Variants in ULK4 observed in about 807,000 individuals in gnomAD.
ULK4 encodes unc-51 like kinase 4, also known as inactive serine/threonine-protein kinase ULK4.
In ULK4, 133 loss-of-function variants were observed where a neutral mutation model predicts 160.6. That is an observed-to-expected ratio of 0.83 (90% confidence interval 0.72 to 0.96). The LOEUF is 0.96. Among genes scored for constraint, ULK4 ranks in the 40% least tolerant of loss-of-function variants. The pLI is 0.00. For missense variants in ULK4, 1,580 were observed against 1,499.5 expected, an observed-to-expected ratio of 1.05 and a Z score of -0.89; for synonymous variants, 534 against 539.8, an observed-to-expected ratio of 0.99 and a Z score of 0.15.
At chr3:41,490,317 C>G (rs1182706243) in intron 32 of ULK4, among the ~76,000 whole-genome samples, 3 of 152,196 alleles carry the variant, frequency 2.0e-5, no homozygotes, top group African/African-American at 7.2e-5. Flanking sequence ...TTCAGCCCAG[C>G]ATTCAAGTTC....
At position 41,487,058 on chromosome 3, in the gene ULK4, C is replaced by T. The variant is rs189924997; in HGVS notation, c.3227-23805G>A. On this transcript the variant is annotated intron_variant, in intron 32 of 36. Transcript: ENST00000301831. ...CTCTTACTAATCAGTACGTAGTTTC[C>T]TTTAATATCAACAATATCCAGAAAA... Among the ~76,000 whole-genome samples, 308 of 152,210 alleles carry T rather than the reference C, an allele frequency of 2.0e-3. 8 individuals carry two copies. The highest frequency in any genetic ancestry group is 3.1e-4 in the Non-Finnish European group (21 of 67,994).
chr3:41,528,534 G>A (rs2125938021), intron 32 of ULK4, among the ~76,000 whole-genome samples: 1 of 152,222 alleles, frequency 6.6e-6, no homozygotes, highest in African/African-American at 2.4e-5. Context: ...TATTATTATG[G>A]CCACTTTACA....
chr3:41,438,889 T>C (rs918355102), intron 34 of ULK4, among the ~76,000 whole-genome samples: 8 of 148,302 alleles, frequency 5.4e-5, no homozygotes, highest in African/African-American at 1.0e-4. Flanking sequence ...TTCCAGAGGA[T>C]AGAAAAGAGA....
chr3:41,860,544 C>A (rs551921919), intron 17 of ULK4, among the ~76,000 whole-genome samples: 1 of 152,068 alleles, frequency 6.6e-6, no homozygotes, highest in Admixed American at 6.6e-5. Context: ...TAACTACTCC[C>A]GCTCTTTTTT....
At chr3:41,263,373 A>G (rs917083259) in intron 35 of ULK4, among the ~76,000 whole-genome samples, 1 of 152,084 alleles carries the variant, frequency 6.6e-6, no homozygotes, top group Non-Finnish European at 1.5e-5. Flanking sequence ...TAAGAGAAAG[A>G]GCTTAACAGG....
At chr3:41,663,261 G>A (rs2035244490) in intron 30 of ULK4, among the ~76,000 whole-genome samples, 2 of 151,696 alleles carry the variant, frequency 1.3e-5, no homozygotes, top group Non-Finnish European at 2.9e-5. Context: ...TAAAATGGTA[G>A]CAAATAACAG....
Position 41,675,755 on chromosome 3 carries a change from T to C in ULK4, c.2978+5753A>G, listed in dbSNP as rs568861794. 1.2e-4 allele frequency among the ~76,000 whole-genome samples: 19 copies of C among 152,242 alleles called. 1 individual carries two copies. The South Asian group carries it at 3.7e-3, about 30-fold the overall frequency. On this transcript the variant is annotated intron_variant, in intron 29 of 36. Transcript: ENST00000301831. Reference sequence around the variant, plus strand: ...AAAGCAGAAGCACAAATTGGAGTGATACCACTACAAACCAAATATCACTTG... The same window carrying C: ...AAAGCAGAAGCACAAATTGGAGTGACACCACTACAAACCAAATATCACTTG...
At chr3:41,519,205 C>T (rs932985083) in intron 32 of ULK4, among the ~76,000 whole-genome samples, 4 of 152,156 alleles carry the variant, frequency 2.6e-5, no homozygotes, top group African/African-American at 9.7e-5. Context: ...AAAGTGGCTG[C>T]CCTAGAACTT....
intron 17 of ULK4, among the ~76,000 whole-genome samples, chr3:41,864,313 C>T (rs1444906502): frequency 2.0e-5 from 3 of 151,740 alleles, no homozygotes; most frequent in Middle Eastern, 3.4e-3. Context: ...GCTGCTAGGG[C>T]GGGGATCAGG....
chr3:41,626,448 G>A (rs1362153363), intron 30 of ULK4, among the ~76,000 whole-genome samples: 3 of 151,640 alleles, frequency 2.0e-5, no homozygotes, highest in Non-Finnish European at 2.9e-5. Context: ...ATTTTGTCAC[G>A]AAATGTGCTG....
intron 34 of ULK4, among the ~76,000 whole-genome samples, chr3:41,453,667 G>GT (rs2083472497): frequency 6.6e-6 from 1 of 152,134 alleles, no homozygotes; most frequent in Non-Finnish European, 1.5e-5. Flanking sequence ...CACACAGCTG[G>GT]TAAGTGGCAG....
In ULK4 at chr3:41,558,744, A is replaced by G. The variant is rs369172457; in HGVS notation, c.3226+7281T>C. ...GAAAAAAAAGGAAAGAAAAAGAAATAGAACTCTAAATTCTTCGGTGGGCGG... is the reference window on the plus strand; with the variant it reads ...GAAAAAAAAGGAAAGAAAAAGAAATGGAACTCTAAATTCTTCGGTGGGCGG... On this transcript the variant is annotated intron_variant, in intron 32 of 36. Transcript: ENST00000301831. 2.6e-4 allele frequency among the ~76,000 whole-genome samples: 40 copies of G among 151,742 alleles called. No homozygotes were observed. The South Asian group carries it at 7.9e-3, about 30-fold the overall frequency.
chr3:41,440,986 T>G (rs73828033), intron 34 of ULK4, among the ~76,000 whole-genome samples: 1 of 152,078 alleles, frequency 6.6e-6, no homozygotes, highest in African/African-American at 2.4e-5. Context: ...TAGAGATGTC[T>G]CTCCATATTC....
chr3:41,578,193 T>A (rs62256951), intron 31 of ULK4, among the ~76,000 whole-genome samples: 38,418 of 152,138 alleles, frequency 0.25, 5,710 homozygotes, highest in Middle Eastern at 0.35. Flanking sequence ...AGCACCTTTC[T>A]CCAATAGAAT....
chr3:41,406,944 C>T (rs957735959), intron 34 of ULK4, among the ~76,000 whole-genome samples: 4 of 152,164 alleles, frequency 2.6e-5, no homozygotes, highest in Non-Finnish European at 5.9e-5. Context: ...AGATTAGAGA[C>T]TTGAGCGAGT....
intron 35 of ULK4, among the ~76,000 whole-genome samples, chr3:41,365,573 T>C (rs2081239278): frequency 6.6e-6 from 1 of 152,230 alleles, no homozygotes; most frequent in East Asian, 1.9e-4. Flanking sequence ...CTATATCTCA[T>C]TTAATCCTCA....
At chr3:41,809,865 G>A (rs2040766093) in intron 19 of ULK4, among the ~76,000 whole-genome samples, 2 of 152,208 alleles carry the variant, frequency 1.3e-5, no homozygotes, top group South Asian at 2.1e-4. Context: ...TTGACTGAGA[G>A]TACATCTATA....
chr3:41,498,244 TA>T (rs2085062345), intron 32 of ULK4, among the ~76,000 whole-genome samples: 1 of 152,150 alleles, frequency 6.6e-6, no homozygotes, highest in African/African-American at 2.4e-5. Flanking sequence ...TCAGTAACAA[TA>T]AAGTATCTAG....
intron 35 of ULK4, among the ~76,000 whole-genome samples, chr3:41,312,302 T>A (rs1440207010): frequency 2.0e-5 from 3 of 152,182 alleles, no homozygotes; most frequent in African/African-American, 7.2e-5. Context: ...GATCACATAC[T>A]AGGCCATAAA....
Sources: gnomAD v4.1 joint callset for allele counts (sites outside exome capture counted in the v4.1 genomes callset) on GRCh38, gnomAD v4.1.1 for gene constraint, MANE v1.5 for transcripts, NCBI Gene and HGNC (gene_info 2026-07-23, HGNC 2026-07-21) for gene names.